The following PDE8B variants were observed in gnomAD, a reference collection of about 807,000 sequenced individuals.
The protein encoded by PDE8B is high affinity cAMP-specific and IBMX-insensitive 3',5'-cyclic phosphodiesterase 8B.
In PDE8B, 26 loss-of-function variants were observed where a neutral mutation model predicts 101.3. The ratio of observed to expected loss-of-function variants is 0.26; its 90% CI spans 0.19 to 0.36. The LOEUF (loss-of-function observed/expected upper bound fraction) is 0.36, where lower values mean the gene tolerates loss of function less well. Ranked by LOEUF, PDE8B falls within the 10% of genes least tolerant of loss-of-function variation. PDE8B has a pLI of 1.00. For synonymous variants in PDE8B, 424 were observed against 429.3 expected, an observed-to-expected ratio of 0.99 and a Z score of 0.15; for missense variants, 810 against 1,163.1, an observed-to-expected ratio of 0.70 and a Z score of 4.42.
intron 16 of PDE8B, among the ~76,000 whole-genome samples, 198 bp from the exon 17 acceptor site, chr5:77,412,913 G>A (rs1794837610): frequency 6.6e-6 from 1 of 152,152 alleles, no homozygotes; most frequent in Non-Finnish European, 1.5e-5. Flanking sequence ...GTACTACCAT[G>A]AAGCATCTAG....
At chr5:77,109,032 G>T in the PDE8B span, among the ~76,000 whole-genome samples, 1,660 of 152,268 alleles carry the variant, frequency 0.011, 38 homozygotes, top group African/African-American at 0.036. Context: ...AGTGGGGTTT[G>T]GTTGGTTGCC....
At chr5:77,411,173 G>C (rs1341518040) in intron 14 of PDE8B, 2 of 158,282 alleles carry the variant, frequency 1.3e-5, no homozygotes, top group Admixed American at 1.2e-4. Context: ...TACAGTTGGG[G>C]AAAAATTAGT....
chr5:77,317,248 A>T (rs940934014), intron 2 of PDE8B, among the ~76,000 whole-genome samples: 2 of 152,178 alleles, frequency 1.3e-5, no homozygotes, highest in Non-Finnish European at 2.9e-5. Flanking sequence ...CTATGTCCTA[A>T]TGTTTTTATT....
chr5:77,296,198 C>G (rs1399054307), intron 1 of PDE8B, among the ~76,000 whole-genome samples: 1 of 151,538 alleles, frequency 6.6e-6, no homozygotes, highest in Non-Finnish European at 1.5e-5. Context: ...TTCTTTCTCT[C>G]CCTCCTTTTC....
intron 2 of PDE8B, among the ~76,000 whole-genome samples, chr5:77,321,755 T>G (rs1432320516): frequency 6.6e-6 from 1 of 152,248 alleles, no homozygotes; most frequent in African/African-American, 2.4e-5. Flanking sequence ...TCTTTCTAAA[T>G]TTTTTATAAA....
At chr5:77,177,588 A>G in the PDE8B span, among the ~76,000 whole-genome samples, 2 of 152,238 alleles carry the variant, frequency 1.3e-5, no homozygotes, top group Admixed American at 1.3e-4. Context: ...ACTTAAAGGA[A>G]GCGCATTACA....
intron 1 of PDE8B, among the ~76,000 whole-genome samples, chr5:77,213,741 A>G (rs991023758): frequency 4.6e-5 from 7 of 151,834 alleles, no homozygotes; most frequent in Admixed American, 2.0e-4. Context: ...TACATCAATT[A>G]TGAAGTGTAT....
At position 77,425,910 on chromosome 5, in the gene PDE8B, T is replaced by C. The variant is rs763167056; in HGVS notation, c.2548+14T>C. 1 of 1,612,170 alleles carries C rather than the reference T, an allele frequency of 6.2e-7. No individual in the cohort carries two copies. The highest frequency in any genetic ancestry group is 8.5e-7 in the Non-Finnish European group (1 of 1,178,288). On this transcript the variant is annotated intron_variant, in intron 21 of 21. Coordinates refer to ENST00000264917, the MANE Select transcript of PDE8B (RefSeq NM_003719.5). The stretch of plus-strand genomic sequence containing the variant: ...ATGCTTGGGATGGTAAGACAGTTAC[T>C]GTTTTGTCACCCAAAGAAAATTGTT...
chr5:77,166,160 C>T, the PDE8B span, among the ~76,000 whole-genome samples: 1 of 149,648 alleles, frequency 6.7e-6, no homozygotes, highest in Non-Finnish European at 1.5e-5. Flanking sequence ...CACAATTCTG[C>T]CCTGGGCCTG....
chr5:77,118,643 G>A, the PDE8B span: 4 of 366,316 alleles, frequency 1.1e-5, no homozygotes, highest in South Asian at 3.0e-4. Flanking sequence ...TGACAATAGG[G>A]AGTTAAATGA....
chr5:77,215,061 A>G (rs1269494387), intron 1 of PDE8B, among the ~76,000 whole-genome samples: 1 of 152,086 alleles, frequency 6.6e-6, no homozygotes, highest in Non-Finnish European at 1.5e-5. Context: ...TGTATGGGAA[A>G]CCTGCTATCC....
At chr5:77,386,036 C>A (rs1788534004) in intron 10 of PDE8B, among the ~76,000 whole-genome samples, 1 of 152,180 alleles carries the variant, frequency 6.6e-6, no homozygotes, top group Non-Finnish European at 1.5e-5. Context: ...ATCCACCTGC[C>A]TTGGCATCCC....
At chr5:77,089,574 G>C in the PDE8B span, among the ~76,000 whole-genome samples, 1 of 152,150 alleles carries the variant, frequency 6.6e-6, no homozygotes, top group Non-Finnish European at 1.5e-5. Flanking sequence ...GGGGATTGCT[G>C]TTCAAAGGGA....
intron 1 of PDE8B, among the ~76,000 whole-genome samples, chr5:77,214,927 G>T (rs1385999045): frequency 6.6e-6 from 1 of 152,090 alleles, no homozygotes; most frequent in East Asian, 1.9e-4. Flanking sequence ...TTACAGTGGT[G>T]AATTAAATTA....
intron 1 of PDE8B, among the ~76,000 whole-genome samples, chr5:77,219,980 A>G (rs765433728): frequency 4.6e-5 from 7 of 152,222 alleles, no homozygotes; most frequent in Non-Finnish European, 7.3e-5. Context: ...ACATGCATGC[A>G]CGTGCACACA....
chr5:77,303,377 T>G (rs561985524), intron 1 of PDE8B, among the ~76,000 whole-genome samples: 6 of 152,078 alleles, frequency 3.9e-5, no homozygotes, highest in African/African-American at 1.4e-4. Context: ...CCGTCTCTAC[T>G]AAAATACAAA....
intron 1 of PDE8B, among the ~76,000 whole-genome samples, chr5:77,237,399 CTT>C (rs1235092604): frequency 6.6e-6 from 1 of 151,996 alleles, no homozygotes; most frequent in Middle Eastern, 3.2e-3. Context: ...TACTACATCT[CTT>C]TGTGTAGATT....
chr5:77,248,177 T>G (rs1194750044), intron 1 of PDE8B, among the ~76,000 whole-genome samples: 1 of 152,216 alleles, frequency 6.6e-6, no homozygotes, highest in Non-Finnish European at 1.5e-5. Context: ...AACTGAGGGC[T>G]AATGAGCATT....
At chr5:77,233,022 A>T (rs1580459954) in intron 1 of PDE8B, among the ~76,000 whole-genome samples, 1 of 152,270 alleles carries the variant, frequency 6.6e-6, no homozygotes, top group African/African-American at 2.4e-5. Flanking sequence ...GGAGCTAATC[A>T]GTTTGTTTTC....
Sources: allele counts gnomAD v4.1 joint callset (sites outside exome capture counted in the v4.1 genomes callset), GRCh38; gene constraint gnomAD v4.1.1; transcripts MANE v1.5; gene names NCBI Gene and HGNC (gene_info 2026-07-23, HGNC 2026-07-21).